Variants in FBXL7 observed in about 807,000 individuals in gnomAD.
FBXL7 encodes the protein F-box and leucine rich repeat protein 7.
In FBXL7, 12 loss-of-function variants were observed where a neutral mutation model predicts 38.3. That is an observed-to-expected ratio of 0.31 (90% CI 0.20 to 0.51). The LOEUF is 0.51. Ranked by LOEUF, FBXL7 falls within the 20% of genes least tolerant of loss-of-function variation. The probability of loss-of-function intolerance (pLI) is 0.98; values close to 1 mark genes in which losing one functional copy is unlikely to be tolerated. For missense variants in FBXL7, 567 were observed against 676.4 expected (o/e 0.84, Z 1.79); for synonymous variants, 297 against 300.9 (o/e 0.99, Z 0.13).
At chr5:15,718,795 T>C (rs904303829) in intron 2 of FBXL7, among the ~76,000 whole-genome samples, 10 of 152,238 alleles carry the variant, frequency 6.6e-5, no homozygotes, top group African/African-American at 2.4e-4. Flanking sequence ...GGGGACAGAA[T>C]TTGTGTTCAC....
intron 1 of FBXL7, among the ~76,000 whole-genome samples, chr5:15,570,046 A>T (rs995116170): frequency 6.6e-6 from 1 of 152,146 alleles, no homozygotes; most frequent in African/African-American, 2.4e-5. Context: ...TTGGTCTAAA[A>T]TTCTCTTTTT....
intron 2 of FBXL7, among the ~76,000 whole-genome samples, chr5:15,760,455 GAGTCCTAGATGAA>G (rs2126697521): frequency 6.6e-6 from 1 of 151,432 alleles, no homozygotes; most frequent in East Asian, 1.9e-4. Context: ...AAAGTTGAGA[GAGTCCTAGATGAA>G]AGTATTCAGG....
intron 2 of FBXL7, among the ~76,000 whole-genome samples, chr5:15,664,469 C>CTTTTTTTTTTTT (rs34999340): frequency 9.5e-6 from 1 of 105,548 alleles, no homozygotes; most frequent in Non-Finnish European, 1.9e-5. Flanking sequence ...TTTTCTTTTC[C>CTTTTTTTTTTTT]TTTTTTTTTT....
intron 1 of FBXL7, among the ~76,000 whole-genome samples, chr5:15,538,848 A>G (rs1038588209): frequency 6.6e-6 from 1 of 152,086 alleles, no homozygotes; most frequent in African/African-American, 2.4e-5. Flanking sequence ...TTATTTTGAG[A>G]TTTATACAAA....
intron 2 of FBXL7, among the ~76,000 whole-genome samples, chr5:15,924,632 CTTTTTTTTT>C (rs34865383): frequency 8.3e-6 from 1 of 120,042 alleles, no homozygotes; most frequent in Admixed American, 8.8e-5. Context: ...TCTCATTATT[CTTTTTTTTT>C]TTTTTTTTTT....
chr5:15,584,633 T>C (rs1023650052), intron 1 of FBXL7, among the ~76,000 whole-genome samples: 2 of 152,208 alleles, frequency 1.3e-5, no homozygotes, highest in African/African-American at 2.4e-5. Flanking sequence ...TCTTTCTTTC[T>C]CTTTCTGGGC....
chr5:15,622,705 A>G (rs886179466), intron 2 of FBXL7, among the ~76,000 whole-genome samples: 8 of 151,982 alleles, frequency 5.3e-5, no homozygotes, highest in Non-Finnish European at 8.8e-5. Context: ...GGATTTGCTT[A>G]TTTTATTTTT....
intron 2 of FBXL7, among the ~76,000 whole-genome samples, chr5:15,795,777 A>G (rs11951904): frequency 0.041 from 6,306 of 152,236 alleles, 434 homozygotes; most frequent in African/African-American, 0.14. Context: ...TTGGAAGGAA[A>G]TAAGCACACA....
At chr5:15,685,956 T>C (rs143620288) in intron 2 of FBXL7, among the ~76,000 whole-genome samples, 3 of 152,296 alleles carry the variant, frequency 2.0e-5, no homozygotes, top group East Asian at 1.9e-4. Context: ...GCAGAGCAGA[T>C]ACACAAACAT....
intron 2 of FBXL7, among the ~76,000 whole-genome samples, chr5:15,912,468 C>G (rs1741460239): frequency 6.7e-6 from 1 of 148,460 alleles, no homozygotes; most frequent in African/African-American, 2.6e-5. Flanking sequence ...GATGGAAATG[C>G]AGAAATCACC....
intron 2 of FBXL7, among the ~76,000 whole-genome samples, chr5:15,625,231 A>G (rs1740772276): frequency 6.6e-6 from 1 of 152,314 alleles, no homozygotes; most frequent in Admixed American, 6.5e-5. Flanking sequence ...AGTTACCACA[A>G]CTGTATTCTT....
intron 2 of FBXL7, among the ~76,000 whole-genome samples, chr5:15,760,939 G>GA (rs573442571): frequency 4.7e-4 from 66 of 141,334 alleles, no homozygotes; most frequent in Admixed American, 6.4e-4. Flanking sequence ...GAATGAGACA[G>GA]AAAAAAAAAA....
At chr5:15,891,306 A>G (rs1038038735) in intron 2 of FBXL7, among the ~76,000 whole-genome samples, 1 of 152,198 alleles carries the variant, frequency 6.6e-6, no homozygotes, top group East Asian at 1.9e-4. Flanking sequence ...CAATGATTTT[A>G]TATCCCATCC....
At chr5:15,765,217 T>C (rs1344074264) in intron 2 of FBXL7, among the ~76,000 whole-genome samples, 18 of 152,122 alleles carry the variant, frequency 1.2e-4, no homozygotes, top group Admixed American at 1.0e-3. Context: ...AGAGCTATGA[T>C]TTGCTGTCTC....
intron 1 of FBXL7, among the ~76,000 whole-genome samples, chr5:15,610,902 A>G (rs1438050084): frequency 6.6e-6 from 1 of 152,194 alleles, no homozygotes; most frequent in African/African-American, 2.4e-5. Flanking sequence ...AAGAAACAAA[A>G]GAAACTACAA....
chr5:15,779,420 T>C (rs1736936954), intron 2 of FBXL7, among the ~76,000 whole-genome samples: 1 of 152,180 alleles, frequency 6.6e-6, no homozygotes, highest in South Asian at 2.1e-4. Flanking sequence ...TTACATATTG[T>C]ATACATGTAT....
At chr5:15,895,577 ACT>A in intron 2 of FBXL7, among the ~76,000 whole-genome samples, 1 of 149,454 alleles carries the variant, frequency 6.7e-6, no homozygotes, top group East Asian at 2.0e-4. Flanking sequence ...AATTATTTAA[ACT>A]CTGTTGCCTT....
In FBXL7 at chr5:15,809,213, C is replaced by G. The variant is rs1292689500; in HGVS notation, c.128-118677C>G. On this transcript the variant is annotated intron_variant, in intron 2 of 3. Transcript: ENST00000504595. ...TGGTGTGTGCCTATTTTTTGGATAC[C>G]TTACCCAGATGGTTATTTGAACGTT... Among the ~76,000 whole-genome samples, 4 of 152,240 alleles carry G rather than the reference C, an allele frequency of 2.6e-5. No homozygotes were observed. In the East Asian group the frequency reaches 7.7e-4, roughly 29 times the overall value.
At chr5:15,795,811 G>A in intron 2 of FBXL7, among the ~76,000 whole-genome samples, 1 of 151,998 alleles carries the variant, frequency 6.6e-6, no homozygotes, top group East Asian at 1.9e-4. Context: ...TGCCTATTCA[G>A]AGATCCACTA....
Sources: gnomAD v4.1 joint callset for allele counts (sites outside exome capture counted in the v4.1 genomes callset) on GRCh38, gnomAD v4.1.1 for gene constraint, MANE v1.5 for transcripts, NCBI Gene and HGNC (gene_info 2026-07-23, HGNC 2026-07-21) for gene names.